Variants in L3MBTL3 observed in about 807,000 individuals in gnomAD.
The protein encoded by L3MBTL3 is lethal(3)malignant brain tumor-like protein 3.
L3MBTL3 carries 27 observed loss-of-function variants against 102.3 expected under a neutral mutation model. The observed-to-expected ratio is 0.26, with a 90% CI of 0.19 to 0.36. L3MBTL3 has a LOEUF of 0.36. Among genes scored for constraint, L3MBTL3 ranks in the 10% least tolerant of loss-of-function variants. L3MBTL3 has a pLI of 1.00. For missense variants in L3MBTL3, 798 were observed against 955.3 expected (o/e 0.84, Z 2.17); for synonymous variants, 340 against 320.9 (o/e 1.06, Z -0.64).
At chr6:130,098,236 T>C (rs1192083696) in intron 18 of L3MBTL3, among the ~76,000 whole-genome samples, 3 of 152,192 alleles carry the variant, frequency 2.0e-5, no homozygotes, top group Non-Finnish European at 4.4e-5. Context: ...TAGTAACTCT[T>C]GGTATGCCCC....
intron 10 of L3MBTL3, among the ~76,000 whole-genome samples, chr6:130,066,038 C>A (rs1467793671): frequency 1.3e-5 from 2 of 152,062 alleles, no homozygotes; most frequent in Non-Finnish European, 2.9e-5. Context: ...ACCCTGGGGA[C>A]ACATCTTGGT....
Position 130,068,232 on chromosome 6 carries a change from G to C in L3MBTL3, c.1001-98G>C, listed in dbSNP as rs564749593. On this transcript the variant is annotated intron_variant, in intron 11 of 22. Coordinates refer to ENST00000361794, the MANE Select transcript of L3MBTL3 (RefSeq NM_032438.4). ...ATTTTGTTTATTTAAAAAGTCATTTGATTGATTTTGGCATGTTAGAGATAA... is the reference window on the plus strand; with the variant it reads ...ATTTTGTTTATTTAAAAAGTCATTTCATTGATTTTGGCATGTTAGAGATAA... The C allele has an allele frequency of 2.6e-5, 16 of 613,132 alleles. No homozygotes were observed. The South Asian group carries it at 3.7e-4, about 14-fold the overall frequency. 38.0% of individuals were successfully genotyped at this position (613,132 alleles called of 1,614,324 possible).
Position 130,139,792 on chromosome 6 carries a change from A to C in L3MBTL3, c.*39A>C. ...TGAATACCATCAGCATTCTGCTTTAAAGCTCATGTTTTATTCAAAGCACAA... is the reference window on the plus strand; with the variant it reads ...TGAATACCATCAGCATTCTGCTTTACAGCTCATGTTTTATTCAAAGCACAA... On this transcript the variant is annotated 3_prime_UTR_variant, in exon 23 of 23. Coordinates refer to ENST00000361794, the MANE Select transcript of L3MBTL3 (RefSeq NM_032438.4). 1 of 1,600,026 alleles carries C rather than the reference A, an allele frequency of 6.2e-7. No homozygotes were observed. Among genetic ancestry groups the C allele is most frequent in the Non-Finnish European group, 8.5e-7 (1 of 1,171,580 alleles).
At chr6:130,106,834 C>CT (rs1234610041) in intron 19 of L3MBTL3, among the ~76,000 whole-genome samples, 1 of 152,182 alleles carries the variant, frequency 6.6e-6, no homozygotes, top group Non-Finnish European at 1.5e-5. Context: ...GGAAACATAT[C>CT]TTTAAGAGGT....
chr6:130,092,986 C>A lies in L3MBTL3; in HGVS notation c.1633+127C>A, dbSNP rs576343391. 751 of 522,360 alleles carry A rather than the reference C, an allele frequency of 1.4e-3. 5 individuals are homozygous for A. The highest frequency in any genetic ancestry group is 3.4e-3 in the Middle Eastern group (12 of 3,526). 32.4% of individuals were successfully genotyped at this position (522,360 alleles called of 1,614,324 possible). A position where few individuals can be genotyped will look rare whatever the true frequency, so the allele number is the denominator to read the frequency against. ...ATGTTTCTTCTCTATGTAATCCCTT[C>A]CTTTTACTACATTTTAATTACCACG... On this transcript the variant is annotated intron_variant, in intron 17 of 22. Transcript: ENST00000361794.
intron 22 of L3MBTL3, chr6:130,137,527 A>G (rs1311925168): frequency 6.6e-6 from 1 of 152,110 alleles, no homozygotes; most frequent in Non-Finnish European, 1.5e-5. Context: ...TTTCTAGTGT[A>G]TGTAACCTTA....
intron 18 of L3MBTL3, among the ~76,000 whole-genome samples, chr6:130,098,716 T>C (rs1022746994): frequency 2.0e-5 from 3 of 152,242 alleles, no homozygotes; most frequent in South Asian, 2.1e-4. Flanking sequence ...AGACAGAGAA[T>C]TGAAATGCTT....
At chr6:130,050,079 C>T (rs1780996082) in intron 5 of L3MBTL3, among the ~76,000 whole-genome samples, 1 of 152,186 alleles carries the variant, frequency 6.6e-6, no homozygotes, top group Non-Finnish European at 1.5e-5. Flanking sequence ...ATCATCTTTG[C>T]CATGGCCTTA....
At chr6:130,087,892 A>T (rs1783789564) in intron 16 of L3MBTL3, among the ~76,000 whole-genome samples, 1 of 152,228 alleles carries the variant, frequency 6.6e-6, no homozygotes, top group East Asian at 1.9e-4. Flanking sequence ...AAAGAATCAT[A>T]CCAAAGTAAT....
chr6:130,081,878 A>G (rs1351054180), intron 14 of L3MBTL3, among the ~76,000 whole-genome samples: 2 of 152,178 alleles, frequency 1.3e-5, no homozygotes, highest in African/African-American at 4.8e-5. Context: ...AAAGGATCTC[A>G]GTTGTCAGAT....
intron 2 of L3MBTL3, among the ~76,000 whole-genome samples, chr6:130,040,067 C>CT (rs1780324854): frequency 1.3e-5 from 2 of 152,264 alleles, no homozygotes; most frequent in South Asian, 4.1e-4. Flanking sequence ...TGGCTCATGC[C>CT]TGTAATCCCA....
chr6:130,024,326 T>A (rs1779196080), intron 2 of L3MBTL3, among the ~76,000 whole-genome samples: 1 of 152,174 alleles, frequency 6.6e-6, no homozygotes, highest in East Asian at 1.9e-4. Context: ...AAATTGTAAG[T>A]ACTATCTATT....
chr6:130,104,334 A>G (rs1231012059), intron 18 of L3MBTL3, 92 bp from the exon 19 acceptor site: 5 of 883,912 alleles, frequency 5.7e-6, no homozygotes, highest in Non-Finnish European at 3.2e-6. Flanking sequence ...TTAGAATTTT[A>G]TATTCTGTAT....
rs866323268 is a variant in L3MBTL3 at position 130,137,917 on chromosome 6, C to T, written c.2200-1693C>T. The T allele has an allele frequency of 2.6e-5, 4 of 152,310 alleles. No individual in the cohort carries two copies. In the South Asian group the frequency reaches 8.3e-4, roughly 32 times the overall value. 9.4% of individuals were successfully genotyped at this position (152,310 alleles called of 1,614,324 possible). A position where few individuals can be genotyped will look rare whatever the true frequency, so the allele number is the denominator to read the frequency against. ...AGCAAATGAGAACAGACCAATGTTTCCAGAAAACAGGAGAACATTTCTCAT... is the reference window on the plus strand; with the variant it reads ...AGCAAATGAGAACAGACCAATGTTTTCAGAAAACAGGAGAACATTTCTCAT... On this transcript the variant is annotated intron_variant, in intron 22 of 22. Transcript: ENST00000361794.
intron 2 of L3MBTL3, among the ~76,000 whole-genome samples, chr6:130,038,838 C>G (rs1780227575): frequency 6.6e-6 from 1 of 151,788 alleles, no homozygotes; most frequent in African/African-American, 2.4e-5. Context: ...AAATCTGATT[C>G]TTCTTCAAAT....
intron 1 of L3MBTL3, among the ~76,000 whole-genome samples, chr6:130,021,175 A>T (rs1778989738): frequency 6.6e-6 from 1 of 152,180 alleles, no homozygotes. Flanking sequence ...GGAAAGTTTC[A>T]AGTGCAGCAA....
At chr6:130,052,365 G>A (rs1326866359) in intron 6 of L3MBTL3, among the ~76,000 whole-genome samples, 2 of 152,046 alleles carry the variant, frequency 1.3e-5, no homozygotes, top group Admixed American at 6.6e-5. Context: ...TCAGCCTCCC[G>A]AAATGCTGGG....
intron 19 of L3MBTL3, among the ~76,000 whole-genome samples, chr6:130,113,679 T>G (rs1355545944): frequency 6.6e-6 from 1 of 152,226 alleles, no homozygotes; most frequent in African/African-American, 2.4e-5. Context: ...GCTTCTCAAG[T>G]TGTAAGACCA....
chr6:130,053,032 C>A, intron 7 of L3MBTL3, 41 bp downstream of exon 7: 2 of 1,464,302 alleles, frequency 1.4e-6, no homozygotes, highest in Non-Finnish European at 1.9e-6. Context: ...AGGGATGCAT[C>A]TTTAGTGGGT....
Sources: allele counts gnomAD v4.1 joint callset (sites outside exome capture counted in the v4.1 genomes callset), GRCh38; gene constraint gnomAD v4.1.1; transcripts MANE v1.5; gene names NCBI Gene and HGNC (gene_info 2026-07-23, HGNC 2026-07-21).